Variants in ECPAS observed in about 807,000 individuals in gnomAD.
ECPAS encodes the protein Ecm29 proteasome adaptor and scaffold.
ECPAS carries 70 observed loss-of-function variants against 255.1 expected under a neutral mutation model. That is an observed-to-expected ratio of 0.27 (90% CI 0.23 to 0.33). The LOEUF (loss-of-function observed/expected upper bound fraction) is 0.33. Among genes scored for constraint, ECPAS ranks in the 10% least tolerant of loss-of-function variants. The pLI, the probability that ECPAS is intolerant of heterozygous loss-of-function variation, is 1.00. For missense variants in ECPAS, 1,817 were observed against 2,206.4 expected (o/e 0.82, Z 3.54); for synonymous variants, 784 against 775.0 (o/e 1.01, Z -0.19).
chr9:111,390,082 T>C lies in ECPAS; in HGVS notation c.3181A>G (p.Lys1061Glu). 6.3e-7 allele frequency: 1 copy of C among 1,588,746 alleles called. No individual in the cohort carries two copies. Among genetic ancestry groups the C allele is most frequent in the Non-Finnish European group, 8.6e-7 (1 of 1,161,842 alleles). The change falls in exon 30 of 50, where the codon AAG (lysine) becomes GAG (glutamate). Residue 1061 changes from lysine to glutamate, a missense_variant. Around this residue, in one of 4 missense-constraint regions of ECPAS, gnomAD observed 960 missense variants for 1,179.0 expected, o/e 0.81. Transcript: ENST00000684092. ...TPDGQGLSTYKELCSLASDLS... is the reference protein window; with the variant it reads ...TPDGQGLSTYEELCSLASDLS... ...TCACTTGCCAGAGAACAAAGTTCCT[T>C]GTAAGTAGAAAGGCCCTGACTTGGA...
intron 2 of ECPAS, among the ~76,000 whole-genome samples, chr9:111,467,469 C>T (rs1252962387): frequency 6.6e-6 from 1 of 152,132 alleles, no homozygotes; most frequent in Non-Finnish European, 1.5e-5. Flanking sequence ...GCACGAATTA[C>T]TTGCGTGAAT....
At chr9:111,419,762 A>G (rs2098210358) in intron 16 of ECPAS, among the ~76,000 whole-genome samples, 1 of 150,318 alleles carries the variant, frequency 6.7e-6, no homozygotes, top group Non-Finnish European at 1.5e-5. Flanking sequence ...CATTTTCTGT[A>G]TTAGCTATAT....
chr9:111,383,871 G>A (rs183715040), intron 34 of ECPAS, among the ~76,000 whole-genome samples: 68 of 152,194 alleles, frequency 4.5e-4, no homozygotes, highest in Admixed American at 9.2e-4. Flanking sequence ...ACAGTGAGTC[G>A]TGATCACGCC....
intron 8 of ECPAS, 73 bp from the exon 9 acceptor site, chr9:111,430,701 C>T (rs2098228548): frequency 1.1e-6 from 1 of 892,002 alleles, no homozygotes; most frequent in South Asian, 1.5e-5. Flanking sequence ...AAAATTATAG[C>T]CCCAACATTT....
intron 25 of ECPAS, among the ~76,000 whole-genome samples, chr9:111,396,043 CTG>C (rs1157182096): frequency 6.6e-6 from 1 of 152,182 alleles, no homozygotes; most frequent in African/African-American, 2.4e-5. Flanking sequence ...TAAATGTTAA[CTG>C]TAACACTAAG....
intron 12 of ECPAS, 63 bp from the exon 13 acceptor site, chr9:111,423,311 C>T (rs1365584614): frequency 3.6e-6 from 4 of 1,120,980 alleles, no homozygotes; most frequent in Non-Finnish European, 5.2e-6. Context: ...ACAAAAAATA[C>T]AGTAAACAGT....
intron 2 of ECPAS, among the ~76,000 whole-genome samples, chr9:111,472,076 T>A (rs2132082774): frequency 6.6e-6 from 1 of 152,146 alleles, no homozygotes; most frequent in East Asian, 1.9e-4. Flanking sequence ...CACTCTAGCC[T>A]GGGCAACAAA....
At chr9:111,416,563 T>C (rs1448284666) in intron 17 of ECPAS, among the ~76,000 whole-genome samples, 1 of 152,216 alleles carries the variant, frequency 6.6e-6, no homozygotes, top group African/African-American at 2.4e-5. Context: ...TCCATGTTTG[T>C]TCTGGTTTGT....
Position 111,372,343 on chromosome 9 carries a change from A to G in ECPAS, c.4528+86T>C, listed in dbSNP as rs558778009. The G allele has an allele frequency of 5.5e-5, 68 of 1,231,072 alleles. No individual in the cohort carries two copies. In the African/African-American group the frequency reaches 8.7e-4, roughly 16 times the overall value. The allele number at this position is 1,231,072 out of a possible 1,614,324, so 76.3% of individuals were successfully genotyped here. A position where few individuals can be genotyped will look rare whatever the true frequency, so the allele number is the denominator to read the frequency against. ...ATTAAGGTCCTGGGAAAGTAACTTC[A>G]GAGGAGTTTATGAATAACGAATGCA... On this transcript the variant is annotated intron_variant, in intron 42 of 49. Coordinates refer to ENST00000684092, the MANE Select transcript of ECPAS (RefSeq NM_001364929.1).
intron 35 of ECPAS, among the ~76,000 whole-genome samples, chr9:111,379,878 C>T (rs1411921288): frequency 6.6e-6 from 1 of 152,166 alleles, no homozygotes; most frequent in Non-Finnish European, 1.5e-5. Context: ...GTCTTCAGGC[C>T]CCACTTACGA....
At chr9:111,369,624 T>C (rs1393461225) in intron 45 of ECPAS, among the ~76,000 whole-genome samples, 1 of 152,234 alleles carries the variant, frequency 6.6e-6, no homozygotes. Context: ...ATGGAAATTA[T>C]TTAAATAGCC....
rs944772903 is a variant in ECPAS at position 111,413,923 on chromosome 9, T to C, written c.2051A>G (p.Lys684Arg). The change falls in exon 20 of 50, where the codon AAA becomes AGA. Residue 684 changes from lysine (K) to arginine (R), a missense_variant. This residue lies in a region of ECPAS where 573 missense variants were observed against 716.2 expected (regional missense o/e 0.80). Coordinates refer to ENST00000684092, the MANE Select transcript of ECPAS (RefSeq NM_001364929.1). ...TATCCATTCTGTTTTGTCTACAAAT[T>C]TGGTAGCCAGCTTTTCTGGATACAC... ...VSVYPEKLAT[K>R]FVDKTEWIKS... 1.3e-6 allele frequency: 2 copies of C among 1,585,976 alleles called. No homozygotes were observed. Among genetic ancestry groups the C allele is most frequent in the African/African-American group, 1.3e-5 (1 of 74,670 alleles).
At chr9:111,396,384 T>C (rs574201852) in intron 25 of ECPAS, among the ~76,000 whole-genome samples, 1 of 152,274 alleles carries the variant, frequency 6.6e-6, no homozygotes, top group Non-Finnish European at 1.5e-5. Context: ...CATTATGTAA[T>C]AAAGGATTAG....
chr9:111,430,171 C>A (rs2098227734), intron 9 of ECPAS, among the ~76,000 whole-genome samples: 1 of 152,102 alleles, frequency 6.6e-6, no homozygotes, highest in African/African-American at 2.4e-5. Context: ...CATCAGTATC[C>A]ACAATGTTTT....
intron 2 of ECPAS, among the ~76,000 whole-genome samples, chr9:111,462,892 G>A (rs553739854): frequency 4.7e-4 from 72 of 152,008 alleles, no homozygotes; most frequent in Non-Finnish European, 7.7e-4. Context: ...ACAGGCATGC[G>A]CCACCACACC....
chr9:111,434,915 T>TTTTTTTTTTTTTTTTTG, intron 7 of ECPAS, among the ~76,000 whole-genome samples: 1 of 143,872 alleles, frequency 7.0e-6, no homozygotes, highest in Non-Finnish European at 1.5e-5. Flanking sequence ...TTTTTTTTTT[T>TTTTTTTTTTTTTTTTTG]TTACACAGAG....
At chr9:111,434,742 C>T (rs899758075) in intron 7 of ECPAS, among the ~76,000 whole-genome samples, 19 of 151,720 alleles carry the variant, frequency 1.3e-4, no homozygotes, top group African/African-American at 4.4e-4. Context: ...GGCACACACA[C>T]CGCCATGCCC....
intron 3 of ECPAS, among the ~76,000 whole-genome samples, chr9:111,451,125 T>G (rs892379626): frequency 6.6e-6 from 1 of 152,164 alleles, no homozygotes; most frequent in Admixed American, 6.5e-5. Context: ...CCACATGCCT[T>G]TCATATTGGA....
intron 9 of ECPAS, among the ~76,000 whole-genome samples, chr9:111,429,378 C>T (rs960357664): frequency 1.3e-5 from 2 of 151,922 alleles, no homozygotes; most frequent in Non-Finnish European, 2.9e-5. Context: ...TGCTTTTGTA[C>T]CATGAGTGCA....
Sources: allele counts gnomAD v4.1 joint callset (sites outside exome capture counted in the v4.1 genomes callset), GRCh38; gene constraint gnomAD v4.1.1; regional missense constraint gnomAD v4.1.1; transcripts MANE v1.5; gene names NCBI Gene and HGNC (gene_info 2026-07-23, HGNC 2026-07-21).